C11orf97: variants seen among roughly 807,000 people sequenced by gnomAD.
C11orf97 encodes the protein uncharacterized protein C11orf97.
In C11orf97, 15 loss-of-function variants were observed where a neutral mutation model predicts 16.2. The ratio of observed to expected loss-of-function variants is 0.93; its 90% CI spans 0.62 to 1.43. The LOEUF (loss-of-function observed/expected upper bound fraction) is 1.43. Ranked by LOEUF, C11orf97 falls within the 40% of genes most tolerant of loss-of-function variation. C11orf97 has a pLI of 0.00. For synonymous variants in C11orf97, 61 were observed against 65.7 expected, an observed-to-expected ratio of 0.93 and a Z score of 0.34; for missense variants, 171 against 161.2, an observed-to-expected ratio of 1.06 and a Z score of -0.33.
intron 1 of C11orf97, among the ~76,000 whole-genome samples, chr11:94,513,984 A>G (rs1565251311): frequency 6.6e-6 from 1 of 152,040 alleles, no homozygotes; most frequent in East Asian, 1.9e-4. Context: ...ATGTTTTCGC[A>G]TTTTTAGTAG....
At chr11:94,520,903 A>G (rs1479084459) in intron 2 of C11orf97, among the ~76,000 whole-genome samples, 2 of 152,150 alleles carry the variant, frequency 1.3e-5, no homozygotes, top group African/African-American at 2.4e-5. Context: ...AAGTTGTCTG[A>G]TGGCTTTTTA....
chr11:94,514,713 C>T (rs1461905621), intron 1 of C11orf97, among the ~76,000 whole-genome samples: 2 of 143,398 alleles, frequency 1.4e-5, no homozygotes, highest in Admixed American at 1.5e-4. Flanking sequence ...GGCGCGATCT[C>T]GGCTCACCGC....
At chr11:94,515,650 T>G (rs1266438402) in intron 1 of C11orf97, among the ~76,000 whole-genome samples, 1 of 151,660 alleles carries the variant, frequency 6.6e-6, no homozygotes, top group Non-Finnish European at 1.5e-5. Context: ...CTTTTGTCCT[T>G]TCTCCTTTCC....
intron 1 of C11orf97, among the ~76,000 whole-genome samples, chr11:94,515,534 T>C (rs905761776): frequency 3.3e-5 from 5 of 151,910 alleles, no homozygotes; most frequent in African/African-American, 9.7e-5. Flanking sequence ...CTTCCTTCCT[T>C]CTTTCTTTTT....
intron 1 of C11orf97, among the ~76,000 whole-genome samples, chr11:94,514,811 ATTT>A (rs937776029): frequency 6.6e-6 from 1 of 151,816 alleles, no homozygotes; most frequent in Non-Finnish European, 1.5e-5. Context: ...CGCCTGGCTA[ATTT>A]TTGTATTTTT....
chr11:94,522,440 G>A (rs1166775584), intron 2 of C11orf97, among the ~76,000 whole-genome samples: 1 of 152,192 alleles, frequency 6.6e-6, no homozygotes, highest in Non-Finnish European at 1.5e-5. Context: ...GGGAGACTGA[G>A]GCAGGAGAAT....
rs1203737087 is a variant in C11orf97, at chr11:94,512,585, C to G, written c.57C>G (p.Arg19=). The change falls in exon 1 of 4, where the codon CGC becomes CGG. Residue 19 remains arginine, a synonymous_variant. Coordinates refer to ENST00000542198, the MANE Select transcript of C11orf97 (RefSeq NM_001190462.2). ...CAGTGGTGGCGCCCAAGGCGGGTCG[C>G]GAAGAGGAGCAGCCTCCTCCGCCAG... is the stretch of plus-strand genomic sequence containing the variant. ...VTAVVAPKAG[R]EEEQPPPPAG... is the part of the protein sequence containing the mutation. The G allele has an allele frequency of 3.9e-6, 5 of 1,288,516 alleles. No individual in the cohort carries two copies. In the East Asian group the frequency reaches 1.6e-4, roughly 40 times the overall value. 79.8% of individuals were successfully genotyped at this position (1,288,516 alleles called of 1,614,324 possible).
At chr11:94,526,527 A>T (rs1195858117) in intron 2 of C11orf97, among the ~76,000 whole-genome samples, 1 of 152,136 alleles carries the variant, frequency 6.6e-6, no homozygotes, top group Non-Finnish European at 1.5e-5. Context: ...TCCTGATTTT[A>T]TACTGCTTTC....
Position 94,512,474 on chromosome 11 carries a change from T to C in C11orf97, c.-55T>C. The C allele has an allele frequency of 7.9e-7, 1 of 1,258,002 alleles. No homozygotes were observed. Among genetic ancestry groups the C allele is most frequent in the Non-Finnish European group, 1.0e-6 (1 of 1,000,304 alleles). The allele number at this position is 1,258,002 out of a possible 1,614,324, so 77.9% of individuals were successfully genotyped here. ...GAGACGCCTCGCATGCTGGGCTGCC[T>C]GCGACTGAGCTGAGAAGGAAACCGT... On this transcript the variant is annotated 5_prime_UTR_variant, in exon 1 of 4. Transcript: ENST00000542198.
intron 2 of C11orf97, among the ~76,000 whole-genome samples, chr11:94,522,001 T>G (rs1269299572): frequency 6.6e-6 from 1 of 152,230 alleles, no homozygotes; most frequent in Non-Finnish European, 1.5e-5. Context: ...CTCGCTCTAC[T>G]TCTTTCTCAT....
Position 94,512,520 on chromosome 11 carries a change from C to G in C11orf97, c.-9C>G, listed in dbSNP as rs1286032484. The G allele has an allele frequency of 4.6e-6, 6 of 1,299,112 alleles. No homozygotes were observed. Among genetic ancestry groups the G allele is most frequent in the Non-Finnish European group, 5.9e-6 (6 of 1,023,502 alleles). 80.5% of individuals were successfully genotyped at this position (1,299,112 alleles called of 1,614,324 possible). On this transcript the variant is annotated 5_prime_UTR_variant, in exon 1 of 4. Transcript: ENST00000542198. ...ACCGTGCCCAGGGCTCTCGGAAGAC[C>G]GCTGCGGCATGACAGGCGAGGAGGC...
intron 2 of C11orf97, among the ~76,000 whole-genome samples, chr11:94,519,818 T>C (rs76943047): frequency 0.01 from 1,594 of 152,350 alleles, 30 homozygotes; most frequent in African/African-American, 0.037. Context: ...AGAAGCCACA[T>C]ACCATTGGCC....
chr11:94,523,901 A>T (rs377165158), intron 2 of C11orf97, among the ~76,000 whole-genome samples: 1 of 152,188 alleles, frequency 6.6e-6, no homozygotes. Context: ...GTTACTTTGC[A>T]CTCTATACTT....
Position 94,512,608 on chromosome 11 carries a change from C to T in C11orf97, c.80C>T (p.Pro27Leu). 7.8e-7 allele frequency: 1 copy of T among 1,276,514 alleles called. No individual in the cohort carries two copies. The highest frequency in any genetic ancestry group is 9.9e-7 in the Non-Finnish European group (1 of 1,010,750). The allele number at this position is 1,276,514 out of a possible 1,614,324, so 79.1% of individuals were successfully genotyped here. Residue 27 changes from proline to leucine, a missense_variant, in exon 1 of 4, where the codon CCA (proline) becomes CTA (leucine). Physicochemically the swap from Pro to Leu is moderately conservative, Grantham distance 98 (BLOSUM62 -3). Coordinates refer to ENST00000542198, the MANE Select transcript of C11orf97 (RefSeq NM_001190462.2). ...CGCGAAGAGGAGCAGCCTCCTCCGC[C>T]AGCAGGGCTGGGGTGCGGGGCGCGC... ...AGREEEQPPP[P>L]AGLGCGARGE...
intron 3 of C11orf97, among the ~76,000 whole-genome samples, chr11:94,530,645 A>G (rs752914577): frequency 2.0e-5 from 3 of 152,242 alleles, no homozygotes; most frequent in Non-Finnish European, 2.9e-5. Flanking sequence ...AGAATGACCA[A>G]TGAATGAATG....
rs1947713513 is a variant in C11orf97 at position 94,528,186 on chromosome 11, A to G, written c.353A>G (p.Tyr118Cys). The change falls in exon 3 of 4, where the codon TAC becomes TGC. Residue 118 changes from tyrosine (Y) to cysteine (C), a missense_variant. By Grantham distance (194) the Tyr-to-Cys change is radical (BLOSUM62 -2). Transcript: ENST00000542198. Reference protein sequence around the residue: ...RNSLLPQAKYYSRHGGLRR With the variant: ...RNSLLPQAKYCSRHGGLRR Reference sequence around the variant, plus strand: ...AGTTTATTGCCACAAGCCAAGTACTACTCCAGGCACGGAGGACTCAGAAGT... The same window carrying G: ...AGTTTATTGCCACAAGCCAAGTACTGCTCCAGGCACGGAGGACTCAGAAGT... 1.3e-6 allele frequency: 2 copies of G among 1,535,438 alleles called. No individual in the cohort carries two copies. Among genetic ancestry groups the G allele is most frequent in the African/African-American group, 2.7e-5 (2 of 73,102 alleles).
chr11:94,515,790 C>T (rs371441996), intron 1 of C11orf97, among the ~76,000 whole-genome samples: 1 of 152,014 alleles, frequency 6.6e-6, no homozygotes, highest in African/African-American at 2.4e-5. Context: ...TTTACCCGTA[C>T]TAGCTCCTTA....
chr11:94,527,020 C>T (rs1159778936), intron 2 of C11orf97, among the ~76,000 whole-genome samples: 1 of 152,194 alleles, frequency 6.6e-6, no homozygotes, highest in Non-Finnish European at 1.5e-5. Context: ...GTACAAAGCA[C>T]TTTACAGCCA....
chr11:94,531,198 G>A (rs1947735601), intron 3 of C11orf97, among the ~76,000 whole-genome samples: 1 of 152,108 alleles, frequency 6.6e-6, no homozygotes, highest in Non-Finnish European at 1.5e-5. Context: ...CCAGCACTCT[G>A]GGAGGCCAAG....
Sources: allele counts gnomAD v4.1 joint callset (sites outside exome capture counted in the v4.1 genomes callset), GRCh38; gene constraint gnomAD v4.1.1; transcripts MANE v1.5; gene names NCBI Gene and HGNC (gene_info 2026-07-23, HGNC 2026-07-21).